Variants in MYO3B observed in about 807,000 individuals in gnomAD.
MYO3B encodes the protein myosin IIIB, also known as myosin-IIIb.
MYO3B carries 156 observed loss-of-function variants against 174.6 expected under a neutral mutation model. The ratio of observed to expected loss-of-function variants is 0.89; its 90% confidence interval spans 0.78 to 1.02. MYO3B has a LOEUF of 1.02. Among genes scored for constraint, MYO3B ranks in the 50% least tolerant of loss-of-function variants. The pLI is 0.00. For missense variants in MYO3B, 1,632 were observed against 1,639.4 expected (o/e 1.00, Z 0.08); for synonymous variants, 563 against 569.1 (o/e 0.99, Z 0.15).
At chr2:170,239,386 C>T (rs1017846079) in intron 7 of MYO3B, among the ~76,000 whole-genome samples, 4 of 152,226 alleles carry the variant, frequency 2.6e-5, no homozygotes, top group African/African-American at 7.2e-5. Flanking sequence ...TGGCTAATGA[C>T]CCCCTTGACT....
chr2:170,335,932 A>G (rs1020597297), intron 8 of MYO3B, among the ~76,000 whole-genome samples: 2 of 152,168 alleles, frequency 1.3e-5, no homozygotes, highest in Non-Finnish European at 2.9e-5. Flanking sequence ...TACCAAGGTA[A>G]GGTATCCCAG....
chr2:170,578,532 G>A (rs930003431), intron 32 of MYO3B, among the ~76,000 whole-genome samples: 5 of 152,170 alleles, frequency 3.3e-5, no homozygotes, highest in Admixed American at 2.0e-4. Context: ...CGAAAGCATC[G>A]AAGGTAAACA....
chr2:170,249,161 C>T (rs138357418), intron 7 of MYO3B, among the ~76,000 whole-genome samples: 1 of 152,164 alleles, frequency 6.6e-6, no homozygotes, highest in Non-Finnish European at 1.5e-5. Flanking sequence ...GGGAGGTAGC[C>T]CCTATCCTGA....
rs1188564399 is a variant in MYO3B, at chr2:170,649,168, AATATATTATATATAAAATAAT to A, written c.3734-2433_3734-2413del. 6.1e-4 allele frequency among the ~76,000 whole-genome samples: 38 copies of A among 62,384 alleles called. 4 individuals are homozygous for A. Among genetic ancestry groups the A allele is most frequent in the South Asian group, 8.7e-4 (2 of 2,292 alleles). 40.9% of individuals were successfully genotyped at this position (62,384 alleles called of 152,430 possible). On this transcript the variant is annotated intron_variant, in intron 32 of 34. Transcript: ENST00000408978. ...ATATATTATATATAAAATAATATAT[AATATATTATATATAAAATAAT>A]ATATATTATATATAAAATAATATAT... is the stretch of plus-strand genomic sequence containing the variant.
chr2:170,371,239 A>C (rs1467024158), intron 9 of MYO3B, among the ~76,000 whole-genome samples: 4 of 144,558 alleles, frequency 2.8e-5, no homozygotes, highest in African/African-American at 1.0e-4. Flanking sequence ...AAAAAAAAAA[A>C]ACCAAAACCT....
intron 7 of MYO3B, among the ~76,000 whole-genome samples, chr2:170,317,786 A>G (rs917716486): frequency 1.3e-5 from 2 of 152,204 alleles, no homozygotes; most frequent in African/African-American, 4.8e-5. Context: ...AGGTTCCATG[A>G]TCAGAGAAGT....
chr2:170,565,132 A>AT (rs960984701), intron 32 of MYO3B, among the ~76,000 whole-genome samples: 2 of 152,012 alleles, frequency 1.3e-5, no homozygotes, highest in African/African-American at 4.8e-5. Flanking sequence ...TGAGAAATAA[A>AT]TTTTTTTTGC....
chr2:170,428,137 A>T (rs976870771), intron 22 of MYO3B, among the ~76,000 whole-genome samples: 2 of 152,250 alleles, frequency 1.3e-5, no homozygotes, highest in Non-Finnish European at 2.9e-5. Context: ...TAGCCACAAT[A>T]GCAAAGTAAA....
chr2:170,182,801 A>C (rs142354125), intron 1 of MYO3B, among the ~76,000 whole-genome samples: 1,557 of 151,902 alleles, frequency 0.01, 14 homozygotes, highest in Middle Eastern at 0.041. Flanking sequence ...AGTAGAGACG[A>C]GGTTTCACCA....
chr2:170,439,931 C>T (rs1357368271), intron 22 of MYO3B, among the ~76,000 whole-genome samples: 1 of 152,206 alleles, frequency 6.6e-6, no homozygotes, highest in Non-Finnish European at 1.5e-5. Flanking sequence ...CCGCCTGCCT[C>T]AGCTTCCCAA....
At chr2:170,620,529 C>A (rs1695825040) in intron 32 of MYO3B, among the ~76,000 whole-genome samples, 1 of 152,214 alleles carries the variant, frequency 6.6e-6, no homozygotes, top group Non-Finnish European at 1.5e-5. Flanking sequence ...AGTTAGCCTG[C>A]CCCATCTTCA....
chr2:170,651,865 G>T, intron 33 of MYO3B, 131 bp downstream of exon 33: 1 of 740,822 alleles, frequency 1.3e-6, no homozygotes, highest in Non-Finnish European at 2.2e-6. Context: ...ATGTGCTTAG[G>T]CTCTTTATCT....
intron 19 of MYO3B, 143 bp from the exon 20 acceptor site, chr2:170,404,104 G>T: frequency 6.1e-6 from 5 of 815,550 alleles, no homozygotes; most frequent in South Asian, 2.3e-5. Context: ...ATATGCAGAA[G>T]ATTCCTTTAT....
chr2:170,400,296 G>A lies in MYO3B; in HGVS notation c.1900G>A (p.Ala634Thr). 1.2e-6 allele frequency: 2 copies of A among 1,614,000 alleles called. No individual in the cohort carries two copies. Among genetic ancestry groups the A allele is most frequent in the South Asian group, 2.2e-5 (2 of 91,064 alleles). The change falls in exon 17 of 35, where the codon GCT becomes ACT. Residue 634 changes from alanine to threonine, a missense_variant. Transcript: ENST00000408978. The part of the protein sequence containing the change: ...HQTDKSEVPN[A>T]EALQNAASVL... ...GACTGATAAAAGTGAGGTGCCCAAT[G>A]CTGAAGCTTTGCAAAATGGTAATTA...
At chr2:170,464,340 C>T (rs1440373959) in intron 24 of MYO3B, among the ~76,000 whole-genome samples, 1 of 89,718 alleles carries the variant, frequency 1.1e-5, no homozygotes, top group Non-Finnish European at 2.5e-5. Flanking sequence ...GTGAGACTCC[C>T]TCTCAAAAAA....
chr2:170,650,113 ACCTCTGCCTCCCAGGTT>A (rs1470249584), intron 32 of MYO3B: 2 of 135,076 alleles, frequency 1.5e-5, no homozygotes, highest in East Asian at 2.2e-4. Context: ...GCTTACTGCA[ACCTCTGCCTCCCAGGTT>A]CAAGTGATTC....
intron 7 of MYO3B, among the ~76,000 whole-genome samples, chr2:170,286,697 C>T (rs1342187462): frequency 6.6e-6 from 1 of 152,002 alleles, no homozygotes; most frequent in Non-Finnish European, 1.5e-5. Flanking sequence ...ATGCCATAGA[C>T]CTTCTTTAAC....
At chr2:170,367,653 G>A (rs1032693121) in intron 8 of MYO3B, among the ~76,000 whole-genome samples, 1 of 152,100 alleles carries the variant, frequency 6.6e-6, no homozygotes, top group African/African-American at 2.4e-5. Flanking sequence ...ATGGTTATTA[G>A]CATTTTTGCA....
intron 32 of MYO3B, among the ~76,000 whole-genome samples, chr2:170,622,572 CA>C (rs1030856001): frequency 1.2e-4 from 17 of 144,030 alleles, no homozygotes; most frequent in Admixed American, 3.4e-4. Flanking sequence ...TTATAATATA[CA>C]TTTTTTTTTA....
Sources: gnomAD v4.1 joint callset for allele counts (sites outside exome capture counted in the v4.1 genomes callset) on GRCh38, gnomAD v4.1.1 for gene constraint, MANE v1.5 for transcripts, NCBI Gene and HGNC (gene_info 2026-07-23, HGNC 2026-07-21) for gene names.